The following FMNL1 variants were observed in gnomAD, a reference collection of about 807,000 sequenced individuals.
The protein encoded by FMNL1 is formin-like protein 1.
In FMNL1, 43 loss-of-function variants were observed where a neutral mutation model predicts 121.3. That is an observed-to-expected ratio of 0.35 (90% CI 0.28 to 0.46). The LOEUF is 0.46. Ranked by LOEUF, FMNL1 falls within the 20% of genes least tolerant of loss-of-function variation. The pLI, the probability that FMNL1 is intolerant of heterozygous loss-of-function variation, is 1.00. For synonymous variants in FMNL1, 613 were observed against 613.5 expected, an observed-to-expected ratio of 1.00 and a Z score of 0.01; for missense variants, 1,191 against 1,482.4, an observed-to-expected ratio of 0.80 and a Z score of 3.23.
intron 1 of FMNL1, among the ~76,000 whole-genome samples, chr17:45,228,797 G>C (rs570497341): frequency 6.6e-6 from 1 of 151,850 alleles, no homozygotes; most frequent in Admixed American, 6.6e-5. Flanking sequence ...CTGTGGCTCT[G>C]TGCTGGGCTC....
chr17:45,244,886 A>C lies in FMNL1; in HGVS notation c.2585A>C (p.Gln862Pro), dbSNP rs2143631852. ...KRGAAYGFRL[Q>P]SLDALLEMKS... ...GGGGCAGCCTATGGCTTCCGGCTCC[A>C]GAGCCTGGATGCGGTGAGGAGGGGC... Residue 862 changes from glutamine (Q) to proline (P), a missense_variant, in exon 20 of 27, where the codon CAG becomes CCG. By Grantham distance (76) the Gln-to-Pro change is moderately conservative. Coordinates refer to ENST00000331495, the MANE Select transcript of FMNL1 (RefSeq NM_005892.4). 1.2e-6 allele frequency: 2 copies of C among 1,613,810 alleles called. No individual in the cohort carries two copies. Among genetic ancestry groups the C allele is most frequent in the East Asian group, 4.5e-5 (2 of 44,884 alleles).
At position 45,242,409 on chromosome 17, in the gene FMNL1, C is replaced by G. The variant is rs1483388713; in HGVS notation, c.1954C>G (p.Pro652Ala). 2 of 1,614,098 alleles carry G rather than the reference C, an allele frequency of 1.2e-6. No individual in the cohort carries two copies. Among genetic ancestry groups the G allele is most frequent in the African/African-American group, 2.7e-5 (2 of 75,058 alleles). Residue 652 changes from proline (P) to alanine (A), a missense_variant, in exon 16 of 27, where the codon CCC (proline) becomes GCC (alanine). Physicochemically the swap from Pro to Ala is conservative, Grantham distance 27. This residue lies in a region of FMNL1 where 519 missense variants were observed against 492.8 expected (regional missense o/e 1.05). Coordinates refer to ENST00000331495, the MANE Select transcript of FMNL1 (RefSeq NM_005892.4). ...ACTCTTGAACTGGGTGGCACTGAAA[C>G]CCAGCCAGATCACCGGCACTGTCTT... is the stretch of plus-strand genomic sequence containing the variant. Reference protein sequence around the residue: ...MPLLNWVALKPSQITGTVFTE... With the variant: ...MPLLNWVALKASQITGTVFTE...
chr17:45,242,045 C>T lies in FMNL1; in HGVS notation c.1784C>T (p.Pro595Leu), dbSNP rs1379741593. The change falls in exon 15 of 27, where the codon CCG becomes CTG. Residue 595 changes from proline to leucine, a missense_variant. Coordinates refer to ENST00000331495, the MANE Select transcript of FMNL1 (RefSeq NM_005892.4). ...CCACCCCCGCCACCGCCACCACCTC[C>T]GGGCACTGACGGGCCGGTGCCTCCG... ...PPPPPPPPPP[P>L]GTDGPVPPPP... 2.2e-5 allele frequency: 33 copies of T among 1,470,526 alleles called. No individual in the cohort carries two copies. The Middle Eastern group carries it at 6.1e-4, about 27-fold the overall frequency. 91.1% of individuals were successfully genotyped at this position (1,470,526 alleles called of 1,614,324 possible).
intron 16 of FMNL1, 31 bp downstream of exon 16, chr17:45,242,496 G>A: frequency 6.2e-7 from 1 of 1,603,538 alleles, no homozygotes; most frequent in African/African-American, 1.3e-5. Flanking sequence ...CCCCATGTGG[G>A]CACCGGAGGA....
At position 45,243,148 on chromosome 17, in the gene FMNL1, T is replaced by C; in HGVS notation, c.2041T>C (p.Phe681Leu). 1 of 1,614,110 alleles carries C rather than the reference T, an allele frequency of 6.2e-7. No individual in the cohort carries two copies. The highest frequency in any genetic ancestry group is 2.2e-5 in the East Asian group (1 of 44,882). Residue 681 changes from phenylalanine (F) to leucine (L), a missense_variant, in exon 17 of 27, where the codon TTC becomes CTC. Coordinates refer to ENST00000331495, the MANE Select transcript of FMNL1 (RefSeq NM_005892.4). ...ELDMSDFEEQFKTKSQGPSLD... is the reference protein window; with the variant it reads ...ELDMSDFEEQLKTKSQGPSLD... ...AGACATGAGTGATTTTGAGGAACAG[T>C]TCAAGACCAAGTCCCAAGGCCCCAG...
chr17:45,237,202 G>A lies in FMNL1; in HGVS notation c.724-79G>A. Reference sequence around the variant, plus strand: ...AAAGAACTTCCTAAACTCGAGGGCAGTTAAAGATCCACGTGGCGTGGGTGC... The same window carrying A: ...AAAGAACTTCCTAAACTCGAGGGCAATTAAAGATCCACGTGGCGTGGGTGC... On this transcript the variant is annotated intron_variant, in intron 7 of 26. Coordinates refer to ENST00000331495, the MANE Select transcript of FMNL1 (RefSeq NM_005892.4). This position sits in a 1 kb window ranked among gnomAD's most constrained non-coding sequence, Gnocchi z 4.4. 1 of 1,376,176 alleles carries A rather than the reference G, an allele frequency of 7.3e-7. No individual in the cohort carries two copies. 85.2% of individuals were successfully genotyped at this position (1,376,176 alleles called of 1,614,324 possible).
rs1033052094 is a variant in FMNL1 at position 45,241,544 on chromosome 17, G to C, written c.1495G>C (p.Val499Leu). 3.2e-6 allele frequency: 5 copies of C among 1,574,700 alleles called. No homozygotes were observed. The highest frequency in any genetic ancestry group is 2.6e-6 in the Non-Finnish European group (3 of 1,160,988). The part of the protein sequence containing the change: ...IRILRGPGDA[V>L]SIEILPVAVA... Reference sequence around the variant, plus strand: ...TATTCTGCGGGGGCCGGGGGATGCTGTCTCCATCGAGATCCTCCCCGTCGC... The same window carrying C: ...TATTCTGCGGGGGCCGGGGGATGCTCTCTCCATCGAGATCCTCCCCGTCGC... The change falls in exon 14 of 27, where the codon GTC becomes CTC. Residue 499 changes from valine to leucine, a missense_variant. Val to Leu is a conservative substitution (Grantham distance 32). Coordinates refer to ENST00000331495, the MANE Select transcript of FMNL1 (RefSeq NM_005892.4). This position sits in a 1 kb window ranked among gnomAD's most constrained non-coding sequence, Gnocchi z 7.0.
chr17:45,246,699 A>G (rs1598217090), intron 26 of FMNL1, 95 bp downstream of exon 26: 1 of 1,262,478 alleles, frequency 7.9e-7, no homozygotes, highest in African/African-American at 1.5e-5. Flanking sequence ...GGGCCAGTGG[A>G]TGGCTGGGAT....
chr17:45,230,858 A>G (rs2043422966), intron 2 of FMNL1, among the ~76,000 whole-genome samples, 171 bp downstream of exon 2: 2 of 152,052 alleles, frequency 1.3e-5, no homozygotes, highest in Non-Finnish European at 1.5e-5. Flanking sequence ...AGGACTCCCA[A>G]ATCCCTTTCT....
At position 45,240,957 on chromosome 17, in the gene FMNL1, C is replaced by T. The variant is rs926060933; in HGVS notation, c.1231-172C>T. On this transcript the variant is annotated intron_variant, in intron 12 of 26. Coordinates refer to ENST00000331495, the MANE Select transcript of FMNL1 (RefSeq NM_005892.4). ...CGCATCACTGGTACCTTGGTTTCCT[C>T]TCCTTATTTGCTTGGGTTCGAGTGC... 4.9e-6 allele frequency: 4 copies of T among 811,922 alleles called. No individual in the cohort carries two copies. In the African/African-American group the frequency reaches 6.9e-5, roughly 14 times the overall value. The allele number at this position is 811,922 out of a possible 1,614,324, so 50.3% of individuals were successfully genotyped here. A position where few individuals can be genotyped will look rare whatever the true frequency, so the allele number is the denominator to read the frequency against.
Position 45,247,317 on chromosome 17 carries a change from A to C in FMNL1, c.*459A>C. 1.3e-5 allele frequency: 3 copies of C among 235,016 alleles called. No individual in the cohort carries two copies. Among genetic ancestry groups the C allele is most frequent in the East Asian group, 8.5e-5 (1 of 11,756 alleles). The allele number at this position is 235,016 out of a possible 1,614,324, so 14.6% of individuals were successfully genotyped here. Reference sequence around the variant, plus strand: ...ATGAGATTAATAAAGATGTTTGCAAAAGATCCGCGTCGGCTCCATGCCTGC... The same window carrying C: ...ATGAGATTAATAAAGATGTTTGCAACAGATCCGCGTCGGCTCCATGCCTGC... On this transcript the variant is annotated 3_prime_UTR_variant, in exon 27 of 27. Transcript: ENST00000331495.
At chr17:45,246,377 A>G (rs779014942) in intron 25 of FMNL1, 47 bp downstream of exon 25, 20 of 1,614,008 alleles carry the variant, frequency 1.2e-5, no homozygotes, top group East Asian at 8.9e-5. Flanking sequence ...CTGTCCTTCT[A>G]TGCTTTCTTC....
Position 45,238,343 on chromosome 17 carries a change from G to A in FMNL1, c.895-221G>A, listed in dbSNP as rs1035196712. 5.7e-6 allele frequency: 3 copies of A among 523,292 alleles called. No individual in the cohort carries two copies. The African/African-American group carries it at 5.8e-5, about 10-fold the overall frequency. The allele number at this position is 523,292 out of a possible 1,614,324, so 32.4% of individuals were successfully genotyped here. A position where few individuals can be genotyped will look rare whatever the true frequency, so the allele number is the denominator to read the frequency against. On this transcript the variant is annotated intron_variant, in intron 9 of 26. Transcript: ENST00000331495. ...AGGGAGTTGGAACAGTAAGTGCAAA[G>A]GCCCTGGGGTGGGAATGTGCCAGGA...
At chr17:45,222,916 C>T (rs1490913124) in intron 1 of FMNL1, among the ~76,000 whole-genome samples, 2 of 152,120 alleles carry the variant, frequency 1.3e-5, no homozygotes, top group African/African-American at 2.4e-5. Flanking sequence ...TCTGGAACCA[C>T]CCCCCTCTGT....
chr17:45,238,682 C>T, intron 10 of FMNL1, 44 bp downstream of exon 10: 2 of 1,610,846 alleles, frequency 1.2e-6, no homozygotes, highest in Non-Finnish European at 1.7e-6. Context: ...GCCAGGCCCT[C>T]TTGGGTGCAG....
At chr17:45,222,277 CGGGCGCGGGCGGGGGGCGGCAG>C in intron 1 of FMNL1, 24 bp downstream of exon 1, 1 of 1,162,006 alleles carries the variant, frequency 8.6e-7, no homozygotes. Context: ...GGAGGCGGGT[CGGGCGCGGGCGGGGGGCGGCAG>C]GGGCGCGGCA....
chr17:45,222,015 C>T lies in FMNL1; in HGVS notation c.-110C>T, dbSNP rs1180523781. The T allele has an allele frequency of 4.4e-6, 4 of 905,924 alleles. No individual in the cohort carries two copies. The highest frequency in any genetic ancestry group is 1.8e-5 in the African/African-American group (1 of 56,508). 56.1% of individuals were successfully genotyped at this position (905,924 alleles called of 1,614,324 possible). On this transcript the variant is annotated 5_prime_UTR_variant, in exon 1 of 27. Coordinates refer to ENST00000331495, the MANE Select transcript of FMNL1 (RefSeq NM_005892.4). Reference sequence around the variant, plus strand: ...CCGCTGCCGAGACCCCCGCCGCCACCGCCAGCCGCTGCCCCCTCGCCCCCG... The same window carrying T: ...CCGCTGCCGAGACCCCCGCCGCCACTGCCAGCCGCTGCCCCCTCGCCCCCG...
At position 45,244,859 on chromosome 17, in the gene FMNL1, G is replaced by A. The variant is rs750118534; in HGVS notation, c.2558G>A (p.Arg853His). The change falls in exon 20 of 27, where the codon CGT becomes CAT. Residue 853 changes from arginine (R) to histidine (H), a missense_variant. Coordinates refer to ENST00000331495, the MANE Select transcript of FMNL1 (RefSeq NM_005892.4). ...AFGNYMNSSKRGAAYGFRLQS... is the reference protein window; with the variant it reads ...AFGNYMNSSKHGAAYGFRLQS... ...GGCAACTACATGAACAGTAGCAAGC[G>A]TGGGGCAGCCTATGGCTTCCGGCTC... The A allele has an allele frequency of 9.9e-6, 16 of 1,613,774 alleles. No homozygotes were observed. Among genetic ancestry groups the A allele is most frequent in the Admixed American group, 1.7e-5 (1 of 59,980 alleles).
intron 9 of FMNL1, chr17:45,238,129 C>T (rs555726329): frequency 1.5e-4 from 29 of 191,862 alleles, no homozygotes; most frequent in South Asian, 1.1e-3. Flanking sequence ...AAGACAGAAA[C>T]GATATAATAA....
Sources: allele counts gnomAD v4.1 joint callset (sites outside exome capture counted in the v4.1 genomes callset), GRCh38; gene constraint gnomAD v4.1.1; regional missense constraint gnomAD v4.1.1; non-coding constraint Gnocchi (gnomAD v3.1); transcripts MANE v1.5; gene names NCBI Gene and HGNC (gene_info 2026-07-23, HGNC 2026-07-21).